Variants in DRC11 observed in about 807,000 individuals in gnomAD.
DRC11 encodes the protein IQ and AAA domain-containing protein 1.
chr2:236,481,458 CCT>C, the DRC11 span, among the ~76,000 whole-genome samples: 1 of 151,984 alleles, frequency 6.6e-6, no homozygotes, highest in Non-Finnish European at 1.5e-5. Flanking sequence ...AATTTTTTTA[CCT>C]CTCTGTGGCC....
chr2:236,503,186 G>A, the DRC11 span, among the ~76,000 whole-genome samples: 2 of 152,188 alleles, frequency 1.3e-5, no homozygotes, highest in African/African-American at 2.4e-5. This position sits in a 1 kb window ranked among gnomAD's most constrained non-coding sequence, Gnocchi z 4.9. Flanking sequence ...GGCTGCCTCC[G>A]TGAAGTTCAG....
At chr2:236,364,999 G>A in the DRC11 span, among the ~76,000 whole-genome samples, 1,763 of 152,122 alleles carry the variant, frequency 0.012, 20 homozygotes, top group Non-Finnish European at 0.018. Flanking sequence ...GTGGTTAGTA[G>A]GGGCTGCGGC....
the DRC11 span, among the ~76,000 whole-genome samples, chr2:236,407,000 C>T: frequency 1.3e-5 from 2 of 152,196 alleles, no homozygotes; most frequent in Non-Finnish European, 1.5e-5. This position sits in a 1 kb window ranked among gnomAD's most constrained non-coding sequence, Gnocchi z 4.7. Context: ...CTGCCTCGGC[C>T]TCCCAAAGTG....
At chr2:236,420,406 A>G in the DRC11 span, among the ~76,000 whole-genome samples, 2 of 152,218 alleles carry the variant, frequency 1.3e-5, no homozygotes, top group Admixed American at 6.5e-5. This position sits in a 1 kb window ranked among gnomAD's most constrained non-coding sequence, Gnocchi z 4.8. Context: ...TCTCAGGTAC[A>G]TACACATGTA....
At chr2:236,409,657 T>C in the DRC11 span, among the ~76,000 whole-genome samples, 51 of 151,830 alleles carry the variant, frequency 3.4e-4, no homozygotes, top group African/African-American at 1.1e-3. Flanking sequence ...TGAATAGGAG[T>C]GGTGAGAGAG....
chr2:236,370,685 A>G, the DRC11 span, among the ~76,000 whole-genome samples: 5 of 152,186 alleles, frequency 3.3e-5, no homozygotes. The surrounding 1 kb of genome is among the most constrained non-coding windows in gnomAD (Gnocchi z 5.5). Context: ...AGTGATATAA[A>G]GAAAATAAGG....
At chr2:236,466,140 G>A in the DRC11 span, among the ~76,000 whole-genome samples, 1 of 147,236 alleles carries the variant, frequency 6.8e-6, no homozygotes, top group South Asian at 2.2e-4. Context: ...ATGTAGTTTT[G>A]TTCATTCTTG....
chr2:236,434,416 C>T, the DRC11 span, among the ~76,000 whole-genome samples: 72 of 152,276 alleles, frequency 4.7e-4, 1 homozygote, highest in South Asian at 1.0e-3. This position sits in a 1 kb window ranked among gnomAD's most constrained non-coding sequence, Gnocchi z 5.5. Flanking sequence ...ACAACTGCTA[C>T]GATTTTCTGA....
the DRC11 span, chr2:236,419,172 T>G: frequency 1.3e-6 from 2 of 1,532,356 alleles, no homozygotes. This position sits in a 1 kb window ranked among gnomAD's most constrained non-coding sequence, Gnocchi z 4.8. Flanking sequence ...TTTGTTCCTT[T>G]CTTTTGTTTT....
chr2:236,488,246 G>C, the DRC11 span: 1 of 1,285,318 alleles, frequency 7.8e-7, no homozygotes. Context: ...CACATCAATT[G>C]ATCCCAGACA....
At chr2:236,395,507 G>C in the DRC11 span, among the ~76,000 whole-genome samples, 1 of 152,130 alleles carries the variant, frequency 6.6e-6, no homozygotes, top group Non-Finnish European at 1.5e-5. Flanking sequence ...GCTTGTAGGA[G>C]GTATGTACTC....
chr2:236,417,367 G>A, the DRC11 span, among the ~76,000 whole-genome samples: 1 of 152,032 alleles, frequency 6.6e-6, no homozygotes, highest in African/African-American at 2.4e-5. Context: ...CCAGACCCTC[G>A]GAGCTGCTCC....
the DRC11 span, chr2:236,407,706 C>T: frequency 3.8e-6 from 1 of 263,374 alleles, no homozygotes; most frequent in Non-Finnish European, 7.4e-6. Flanking sequence ...TGCATCATTT[C>T]CCCCCTGTGA....
At chr2:236,487,505 T>C in the DRC11 span, among the ~76,000 whole-genome samples, 1 of 151,598 alleles carries the variant, frequency 6.6e-6, no homozygotes. Flanking sequence ...CTAGCCTCTA[T>C]TTGAAAAAAA....
the DRC11 span, among the ~76,000 whole-genome samples, chr2:236,423,790 T>G: frequency 6.6e-6 from 1 of 152,026 alleles, no homozygotes; most frequent in Non-Finnish European, 1.5e-5. Flanking sequence ...AGCAAAGACT[T>G]GGAACCAACC....
the DRC11 span, among the ~76,000 whole-genome samples, chr2:236,461,177 AT>A: frequency 6.6e-6 from 1 of 152,232 alleles, no homozygotes; most frequent in Non-Finnish European, 1.5e-5. The surrounding 1 kb of genome is among the most constrained non-coding windows in gnomAD (Gnocchi z 4.0). Context: ...TTAATAATAA[AT>A]TAGATTTTAC....
chr2:236,408,076 A>G, the DRC11 span: 4 of 602,030 alleles, frequency 6.6e-6, no homozygotes, highest in Non-Finnish European at 1.3e-5. This position sits in a 1 kb window ranked among gnomAD's most constrained non-coding sequence, Gnocchi z 5.5. Context: ...TTCCTTCAGC[A>G]TGACAAAGCC....
At chr2:236,392,024 C>T in the DRC11 span, 1 of 1,613,990 alleles carries the variant, frequency 6.2e-7, no homozygotes, top group Non-Finnish European at 8.5e-7. This position sits in a 1 kb window ranked among gnomAD's most constrained non-coding sequence, Gnocchi z 5.1. Context: ...TTTCTCTGTC[C>T]ACAGCTAGCT....
chr2:236,335,453 G>A, the DRC11 span, among the ~76,000 whole-genome samples: 1 of 152,166 alleles, frequency 6.6e-6, no homozygotes, highest in Non-Finnish European at 1.5e-5. This position sits in a 1 kb window ranked among gnomAD's most constrained non-coding sequence, Gnocchi z 5.6. Context: ...GAAGTGTCTG[G>A]TGCAGCTTTA....
Sources: allele counts gnomAD v4.1 joint callset (sites outside exome capture counted in the v4.1 genomes callset), GRCh38; gene constraint gnomAD v4.1.1; non-coding constraint Gnocchi (gnomAD v3.1); transcripts MANE v1.5; gene names NCBI Gene and HGNC (gene_info 2026-07-23, HGNC 2026-07-21).